The following PXDNL variants were observed in gnomAD, a reference collection of about 807,000 sequenced individuals.
PXDNL encodes peroxidasin like, also known as probable oxidoreductase PXDNL.
PXDNL carries 145 observed loss-of-function variants against 150.8 expected under a neutral mutation model. That is an observed-to-expected ratio of 0.96 (90% CI 0.84 to 1.10). PXDNL has a LOEUF of 1.10. PXDNL is among the 50% of genes least tolerant of loss of function. The pLI is 0.00. For synonymous variants in PXDNL, 757 were observed against 725.7 expected (o/e 1.04, Z -0.69); for missense variants, 2,087 against 1,873.9 (o/e 1.11, Z -2.10).
chr8:51,391,677 A>G (rs1294412493), intron 17 of PXDNL, among the ~76,000 whole-genome samples: 1 of 151,910 alleles, frequency 6.6e-6, no homozygotes, highest in East Asian at 1.9e-4. Flanking sequence ...ATTTTCTCCC[A>G]TTTTGTATGT....
intron 1 of PXDNL, among the ~76,000 whole-genome samples, chr8:51,805,713 T>G (rs112585504): frequency 0.047 from 7,143 of 152,292 alleles, 244 homozygotes; most frequent in Middle Eastern, 0.095. Flanking sequence ...TTTGTATTTA[T>G]GACTTTTAGG....
chr8:51,772,523 G>A (rs770044159), intron 1 of PXDNL, among the ~76,000 whole-genome samples: 16 of 152,222 alleles, frequency 1.1e-4, no homozygotes, highest in Non-Finnish European at 2.1e-4. Flanking sequence ...GCAGAGCAGG[G>A]AGACACAGGA....
At chr8:51,637,130 T>C (rs1814621751) in intron 2 of PXDNL, among the ~76,000 whole-genome samples, 1 of 151,920 alleles carries the variant, frequency 6.6e-6, no homozygotes, top group African/African-American at 2.4e-5. Flanking sequence ...CAGCTGAGGG[T>C]CCTGACTATT....
chr8:51,439,504 GA>G (rs1416708067), intron 12 of PXDNL, among the ~76,000 whole-genome samples: 1 of 152,158 alleles, frequency 6.6e-6, no homozygotes, highest in Non-Finnish European at 1.5e-5. Context: ...AACCACTATG[GA>G]AAAGAGTGTG....
intron 4 of PXDNL, among the ~76,000 whole-genome samples, chr8:51,549,947 A>G (rs770159866): frequency 6.6e-6 from 1 of 152,160 alleles, no homozygotes; most frequent in Non-Finnish European, 1.5e-5. Context: ...AGATTAACCA[A>G]GAAAAGAAGG....
chr8:51,749,770 G>A (rs1335334823), intron 1 of PXDNL, among the ~76,000 whole-genome samples: 5 of 152,174 alleles, frequency 3.3e-5, no homozygotes, highest in East Asian at 1.9e-4. Flanking sequence ...GCATGATCTC[G>A]GCTCACTGCA....
Position 51,372,037 on chromosome 8 carries a change from G to C in PXDNL, c.3737C>G (p.Thr1246Ser). ...NPGVFTPAQL[T>S]QLKQASLSRV... ...GCTCAGGGACGCCTGCTTCAGCTGA[G>C]TGAGTTGTGCCGGGGTAAATACTCC... Residue 1246 changes from threonine to serine, a missense_variant, in exon 19 of 23, where the codon ACT (threonine) becomes AGT (serine). Transcript: ENST00000356297. The C allele has an allele frequency of 6.2e-7, 1 of 1,609,350 alleles. No individual in the cohort carries two copies. Among genetic ancestry groups the C allele is most frequent in the Non-Finnish European group, 8.5e-7 (1 of 1,177,652 alleles).
At chr8:51,706,999 G>C (rs1026142449) in intron 1 of PXDNL, among the ~76,000 whole-genome samples, 1 of 152,158 alleles carries the variant, frequency 6.6e-6, no homozygotes, top group African/African-American at 2.4e-5. Context: ...GCATTCAAAA[G>C]AGAATTGCAC....
chr8:51,485,248 A>G (rs1810702918), intron 5 of PXDNL, among the ~76,000 whole-genome samples: 1 of 152,162 alleles, frequency 6.6e-6, no homozygotes, highest in Non-Finnish European at 1.5e-5. Flanking sequence ...GAAGATAAAA[A>G]GTTTTCCTGA....
At position 51,606,606 on chromosome 8, in the gene PXDNL, T is replaced by C. The variant is rs113573269; in HGVS notation, c.237-13908A>G. On this transcript the variant is annotated intron_variant, in intron 2 of 22. Coordinates refer to ENST00000356297, the MANE Select transcript of PXDNL (RefSeq NM_144651.5). ...ACTGTGCTGCCCAACTGAAATATAA[T>C]CTGAGCCACAAATGCAAGTCACATA... is the stretch of plus-strand genomic sequence containing the variant. Among the ~76,000 whole-genome samples the C allele has an allele frequency of 1.7e-3, 259 of 152,230 alleles. 2 individuals are homozygous for C. Among genetic ancestry groups the C allele is most frequent in the African/African-American group, 6.0e-3 (249 of 41,542 alleles).
intron 1 of PXDNL, among the ~76,000 whole-genome samples, chr8:51,780,989 C>T (rs2037409876): frequency 6.6e-6 from 1 of 152,068 alleles, no homozygotes; most frequent in Non-Finnish European, 1.5e-5. Flanking sequence ...AACACCAACC[C>T]CATTCATGAG....
intron 2 of PXDNL, among the ~76,000 whole-genome samples, chr8:51,651,103 T>C (rs1434647537): frequency 1.3e-5 from 2 of 152,174 alleles, no homozygotes; most frequent in Admixed American, 1.3e-4. Flanking sequence ...ATGAAATAAA[T>C]AGAACATATA....
rs553366367 is a variant in PXDNL at position 51,409,431 on chromosome 8, G to A, written c.2193C>T (p.Asp731=). Residue 731 remains aspartate, a synonymous_variant, in exon 17 of 23, where the codon GAC becomes GAT. Transcript: ENST00000356297. ...RCFHAKYRAH[D]GTCNNLQQPT... ...GCTGCTGCAGGTTGTTGCACGTGCCGTCGTGGGCGCGGTACTTCGCATGGA... is the reference window on the plus strand; with the variant it reads ...GCTGCTGCAGGTTGTTGCACGTGCCATCGTGGGCGCGGTACTTCGCATGGA... 1.2e-6 allele frequency: 2 copies of A among 1,612,354 alleles called. No homozygotes were observed. Among genetic ancestry groups the A allele is most frequent in the Non-Finnish European group, 1.7e-6 (2 of 1,179,646 alleles).
At chr8:51,681,812 C>T (rs1815756961) in intron 1 of PXDNL, among the ~76,000 whole-genome samples, 1 of 152,182 alleles carries the variant, frequency 6.6e-6, no homozygotes, top group African/African-American at 2.4e-5. Flanking sequence ...CTGCACACAG[C>T]ACCCACTGGG....
intron 21 of PXDNL, among the ~76,000 whole-genome samples, chr8:51,324,581 T>C (rs544140210): frequency 1.3e-5 from 2 of 152,366 alleles, no homozygotes; most frequent in East Asian, 3.9e-4. Context: ...TGTTTTATTA[T>C]AATCCCACAG....
intron 1 of PXDNL, among the ~76,000 whole-genome samples, chr8:51,760,307 G>C (rs1352201127): frequency 1.3e-5 from 2 of 151,836 alleles, no homozygotes; most frequent in Non-Finnish European, 2.9e-5. Flanking sequence ...AGGAATAAGA[G>C]AGTTAGTGAG....
At chr8:51,694,578 A>T (rs1454366739) in intron 1 of PXDNL, among the ~76,000 whole-genome samples, 1 of 152,182 alleles carries the variant, frequency 6.6e-6, no homozygotes, top group East Asian at 1.9e-4. Context: ...TGACTCCCAA[A>T]CTAATCTCTA....
At chr8:51,387,182 T>A (rs1266077009) in intron 17 of PXDNL, among the ~76,000 whole-genome samples, 1 of 152,360 alleles carries the variant, frequency 6.6e-6, no homozygotes, top group African/African-American at 2.4e-5. Context: ...ACTCTTACAA[T>A]TCTCCCTTTT....
At chr8:51,492,612 C>G (rs1233764892) in intron 5 of PXDNL, among the ~76,000 whole-genome samples, 1 of 152,168 alleles carries the variant, frequency 6.6e-6, no homozygotes, top group Non-Finnish European at 1.5e-5. Flanking sequence ...ATAGTCTTAG[C>G]AAATGGCACA....
Sources: gnomAD v4.1 joint callset for allele counts (sites outside exome capture counted in the v4.1 genomes callset) on GRCh38, gnomAD v4.1.1 for gene constraint, MANE v1.5 for transcripts, NCBI Gene and HGNC (gene_info 2026-07-23, HGNC 2026-07-21) for gene names.